SMG5: variants seen among roughly 807,000 people sequenced by gnomAD.
SMG5 encodes the protein nonsense-mediated mRNA decay factor SMG5.
SMG5 carries 53 observed loss-of-function variants against 122.9 expected under a neutral mutation model. The ratio of observed to expected loss-of-function variants is 0.43; its 90% CI spans 0.35 to 0.54. SMG5 has a LOEUF of 0.54. SMG5 is among the 20% of genes least tolerant of loss of function. The probability of loss-of-function intolerance (pLI) is 0.01; values close to 1 mark genes in which losing one functional copy is unlikely to be tolerated. For synonymous variants in SMG5, 477 were observed against 490.2 expected, an observed-to-expected ratio of 0.97 and a Z score of 0.35; for missense variants, 1,153 against 1,285.6, an observed-to-expected ratio of 0.90 and a Z score of 1.58.
chr1:156,251,288 GCAGGCTACGTGTGGAGCCTCAGAATTATC>G, intron 20 of SMG5, 86 bp downstream of exon 20: 1 of 1,247,006 alleles, frequency 8.0e-7, no homozygotes, highest in Non-Finnish European at 1.2e-6. Context: ...GAGGGCCCTG[GCAGGCTACGTGTGGAGCCTCAGAATTATC>G]CAGCCCTACC....
the SMG5 span, among the ~76,000 whole-genome samples, chr1:156,288,596 C>T: frequency 6.0e-4 from 92 of 152,200 alleles, no homozygotes; most frequent in Non-Finnish European, 9.9e-4. Flanking sequence ...TCTTGGCCAC[C>T]CAAAGTGCTG....
At chr1:156,265,596 G>C (rs1447466670) in intron 12 of SMG5, among the ~76,000 whole-genome samples, 185 bp downstream of exon 12, 1 of 152,214 alleles carries the variant, frequency 6.6e-6, no homozygotes, top group Non-Finnish European at 1.5e-5. Flanking sequence ...TGGGAGATGG[G>C]AATAAGGAAG....
At chr1:156,274,177 A>G in intron 5 of SMG5, among the ~76,000 whole-genome samples, 1 of 151,892 alleles carries the variant, frequency 6.6e-6, no homozygotes, top group East Asian at 1.9e-4. Context: ...TATAAAGCAA[A>G]AGAGTACTTT....
In SMG5 at chr1:156,266,365, T is replaced by C. The variant is rs762509531; in HGVS notation, c.1271A>G (p.Lys424Arg). 1.1e-5 allele frequency: 17 copies of C among 1,612,346 alleles called. 1 individual carries two copies. In the South Asian group the frequency reaches 1.5e-4, roughly 15 times the overall value. ...QSDGTDEPES[K>R]EPVEKEEEPD... ...CTCCTCCTCTTTCTCCACAGGTTCC[T>C]TGGACTCTGGTTCATCTGCGGAAAG... Residue 424 changes from lysine (K) to arginine (R), a missense_variant, in exon 12 of 22, where the codon AAG (lysine) becomes AGG (arginine). Physicochemically the swap from Lys to Arg is conservative, Grantham distance 26 (BLOSUM62 2). This residue lies in a region of SMG5 where 631 missense variants were observed against 650.6 expected (regional missense o/e 0.97). Coordinates refer to ENST00000361813, the MANE Select transcript of SMG5 (RefSeq NM_015327.3).
rs770554318 is a variant in SMG5, at chr1:156,266,366, T to C, written c.1270A>G (p.Lys424Glu). The C allele has an allele frequency of 3.1e-6, 5 of 1,611,932 alleles. No individual in the cohort carries two copies. In the Admixed American group the frequency reaches 8.3e-5, roughly 27 times the overall value. The change falls in exon 12 of 22, where the codon AAG (lysine) becomes GAG (glutamate). Residue 424 changes from lysine to glutamate, a missense_variant. Lys to Glu is a moderately conservative substitution (Grantham distance 56, BLOSUM62 1). Transcript: ENST00000361813. Reference protein sequence around the residue: ...QSDGTDEPESKEPVEKEEEPD... With the variant: ...QSDGTDEPESEEPVEKEEEPD... ...TCCTCCTCTTTCTCCACAGGTTCCTTGGACTCTGGTTCATCTGCGGAAAGA... is the reference window on the plus strand; with the variant it reads ...TCCTCCTCTTTCTCCACAGGTTCCTCGGACTCTGGTTCATCTGCGGAAAGA...
intron 12 of SMG5, among the ~76,000 whole-genome samples, chr1:156,264,094 C>T (rs1661994654): frequency 6.6e-6 from 1 of 151,634 alleles, no homozygotes; most frequent in Non-Finnish European, 1.5e-5. Flanking sequence ...ATGGTGAAAC[C>T]CTGTCTCTAC....
intron 12 of SMG5, among the ~76,000 whole-genome samples, chr1:156,264,516 G>A (rs1191334612): frequency 6.6e-6 from 1 of 152,166 alleles, no homozygotes; most frequent in East Asian, 1.9e-4. Context: ...TGGGGAGACA[G>A]ACAAATCAAC....
At chr1:156,251,181 C>A in intron 20 of SMG5, 185 bp from the exon 21 acceptor site, 2 of 940,944 alleles carry the variant, frequency 2.1e-6, no homozygotes, top group Non-Finnish European at 3.2e-6. Flanking sequence ...AAACACCAAG[C>A]CTGAGCATCG....
chr1:156,282,835 T>C, upstream of SMG5: 1 of 727,282 alleles, frequency 1.4e-6, no homozygotes, highest in East Asian at 2.9e-5. Flanking sequence ...CAGCTCCTCC[T>C]CCGCCTGCCA....
chr1:156,274,698 A>C lies in SMG5; in HGVS notation c.455-12T>G. The stretch of plus-strand genomic sequence containing the variant: ...TGGCTTCTTGCATCCTATGAGACAA[A>C]GAGAAAGAGATTTGTAGGCCCATTC... On this transcript the variant is annotated splice_polypyrimidine_tract_variant and intron_variant, in intron 4 of 21. Transcript: ENST00000361813. 1.2e-6 allele frequency: 2 copies of C among 1,611,432 alleles called. No individual in the cohort carries two copies. Among genetic ancestry groups the C allele is most frequent in the Non-Finnish European group, 1.7e-6 (2 of 1,177,754 alleles).
chr1:156,252,617 C>T, intron 18 of SMG5, 113 bp from the exon 19 acceptor site: 1 of 1,116,674 alleles, frequency 9.0e-7, no homozygotes, highest in Non-Finnish European at 1.3e-6. Context: ...AGAGAAGGGA[C>T]CCTGGCTCCC....
chr1:156,255,358 G>A (rs533890205), intron 16 of SMG5, among the ~76,000 whole-genome samples: 12 of 151,506 alleles, frequency 7.9e-5, no homozygotes, highest in African/African-American at 2.7e-4. Flanking sequence ...GAGCAACATG[G>A]TGAAACCCCG....
chr1:156,281,767 C>T (rs1662957865), intron 1 of SMG5, among the ~76,000 whole-genome samples: 1 of 152,190 alleles, frequency 6.6e-6, no homozygotes, highest in Non-Finnish European at 1.5e-5. Flanking sequence ...GACCCAGTTG[C>T]GGAGCCCATG....
At chr1:156,254,818 G>A (rs926019245) in intron 16 of SMG5, among the ~76,000 whole-genome samples, 7 of 151,634 alleles carry the variant, frequency 4.6e-5, no homozygotes, top group South Asian at 2.1e-4. Flanking sequence ...GGCCAGGCAC[G>A]GTGGCTCACA....
At chr1:156,256,666 C>A (rs1306023645) in intron 16 of SMG5, among the ~76,000 whole-genome samples, 1 of 152,026 alleles carries the variant, frequency 6.6e-6, no homozygotes, top group South Asian at 2.1e-4. Flanking sequence ...ACATTACCAA[C>A]CCAGCATTTC....
rs1004455553 is a variant in SMG5, at chr1:156,282,654, C to T, written c.27G>A (p.Glu9=). Residue 9 remains glutamate (E), a synonymous_variant, in exon 1 of 22, where the codon GAG becomes GAA. Transcript: ENST00000361813. MSQGPPTG[E]SSEPEAKVLH... Reference sequence around the variant, plus strand: ...GGACTTTTGCTTCGGGCTCGCTGCTCTCCCCTGTGGGGGGGCCTTGGCTCA... The same window carrying T: ...GGACTTTTGCTTCGGGCTCGCTGCTTTCCCCTGTGGGGGGGCCTTGGCTCA... 1 of 1,607,400 alleles carries T rather than the reference C, an allele frequency of 6.2e-7. No individual in the cohort carries two copies. The highest frequency in any genetic ancestry group is 1.3e-5 in the African/African-American group (1 of 74,922).
In SMG5 at chr1:156,252,503, C is replaced by T; in HGVS notation, c.2664G>A (p.Val888=). Residue 888 remains valine, a splice_region_variant and synonymous_variant, in exon 19 of 22, where the codon GTG becomes GTA. Transcript: ENST00000361813. ...GRFIVIIPRT[V]IDGLDLLKKE... is the part of the protein sequence containing the mutation. Reference sequence around the variant, plus strand: ...TCTTCAGCAAATCCAGGCCATCGATCACTGGTGGGCAAGGTAGGGAAAGAC... The same window carrying T: ...TCTTCAGCAAATCCAGGCCATCGATTACTGGTGGGCAAGGTAGGGAAAGAC... The T allele has an allele frequency of 6.2e-7, 1 of 1,614,008 alleles. No homozygotes were observed. The highest frequency in any genetic ancestry group is 8.5e-7 in the Non-Finnish European group (1 of 1,180,002).
At chr1:156,284,059 G>A (rs1182679948), upstream of SMG5, among the ~76,000 whole-genome samples, 1 of 152,130 alleles carries the variant, frequency 6.6e-6, no homozygotes, top group Non-Finnish European at 1.5e-5. Context: ...AGCCTACTCC[G>A]AGCACCCTTT....
chr1:156,265,689 G>T, intron 12 of SMG5, 92 bp downstream of exon 12: 1 of 1,527,932 alleles, frequency 6.5e-7, no homozygotes, highest in Non-Finnish European at 8.8e-7. Flanking sequence ...GAGACGAGAG[G>T]TCATTCACAC....
Sources: gnomAD v4.1 joint callset for allele counts (sites outside exome capture counted in the v4.1 genomes callset) on GRCh38, gnomAD v4.1.1 for gene constraint, gnomAD v4.1.1 regional missense constraint, MANE v1.5 for transcripts, NCBI Gene and HGNC (gene_info 2026-07-23, HGNC 2026-07-21) for gene names.